Variants in DENND4B observed in about 807,000 individuals in gnomAD.
DENND4B encodes the protein DENN domain-containing protein 4B.
Under a neutral mutation model 161.0 loss-of-function variants are expected in DENND4B, and 67 were observed. The observed-to-expected ratio is 0.42, with a 90% CI of 0.34 to 0.51. The LOEUF (loss-of-function observed/expected upper bound fraction) is 0.51, where lower values mean the gene tolerates loss of function less well. Ranked by LOEUF, DENND4B falls within the 20% of genes least tolerant of loss-of-function variation. The pLI, the probability that DENND4B is intolerant of heterozygous loss-of-function variation, is 0.08. For synonymous variants in DENND4B, 753 were observed against 813.8 expected, an observed-to-expected ratio of 0.93 and a Z score of 1.27; for missense variants, 1,481 against 1,968.0, an observed-to-expected ratio of 0.75 and a Z score of 4.68.
At position 153,933,748 on chromosome 1, in the gene DENND4B, C is replaced by T. The variant is rs758914529; in HGVS notation, c.3065G>A (p.Gly1022Asp). 6.2e-6 allele frequency: 10 copies of T among 1,601,432 alleles called. No homozygotes were observed. Among genetic ancestry groups the T allele is most frequent in the Non-Finnish European group, 8.5e-6 (10 of 1,174,570 alleles). Residue 1022 changes from glycine to aspartate, a missense_variant, in exon 20 of 28, where the codon GGC becomes GAC. Physicochemically the swap from Gly to Asp is moderately conservative, Grantham distance 94 (BLOSUM62 -1). Transcript: ENST00000361217. This position sits in a 1 kb window ranked among gnomAD's most constrained non-coding sequence, Gnocchi z 5.7. Reference sequence around the variant, plus strand: ...AGTGGACTGGGCACTCAGGGCTGAGCCTGAGCCCCCTGGGCTGCCTCCAGG... The same window carrying T: ...AGTGGACTGGGCACTCAGGGCTGAGTCTGAGCCCCCTGGGCTGCCTCCAGG... ...PLPGGSPGGSGSALSAQSTEA... is the reference protein window; with the variant it reads ...PLPGGSPGGSDSALSAQSTEA...
At chr1:153,945,553 GACACAC>G (rs35616374) in intron 1 of DENND4B, among the ~76,000 whole-genome samples, 22 of 149,902 alleles carry the variant, frequency 1.5e-4, no homozygotes, top group African/African-American at 2.7e-4. Context: ...CTGGCCTCTG[GACACAC>G]ACACACACAC....
Position 153,936,743 on chromosome 1 carries a change from C to T in DENND4B, c.2238G>A (p.Met746Ile). Reference sequence around the variant, plus strand: ...TCTGTGCCATCCGCTGTGCAACTTTCATCTCCTAGGTAGGACAGGGGACAC... The same window carrying T: ...TCTGTGCCATCCGCTGTGCAACTTTTATCTCCTAGGTAGGACAGGGGACAC... ...SPAPRRTKQEMKVAQRMAQKS... is the reference protein window; with the variant it reads ...SPAPRRTKQEIKVAQRMAQKS... Residue 746 changes from methionine to isoleucine, a missense_variant, in exon 16 of 28, where the codon ATG becomes ATA. Met to Ile is a conservative substitution (Grantham distance 10). Transcript: ENST00000361217. The surrounding 1 kb of genome is among the most constrained non-coding windows in gnomAD (Gnocchi z 4.1). 1 of 1,587,204 alleles carries T rather than the reference C, an allele frequency of 6.3e-7. No homozygotes were observed. Among genetic ancestry groups the T allele is most frequent in the Admixed American group, 1.7e-5 (1 of 57,780 alleles).
Position 153,930,064 on chromosome 1 carries a change from C to T in DENND4B, c.*233G>A. 1 of 595,398 alleles carries T rather than the reference C, an allele frequency of 1.7e-6. No individual in the cohort carries two copies. Among genetic ancestry groups the T allele is most frequent in the Non-Finnish European group, 2.9e-6 (1 of 341,714 alleles). 36.9% of individuals were successfully genotyped at this position (595,398 alleles called of 1,614,324 possible). On this transcript the variant is annotated 3_prime_UTR_variant, in exon 28 of 28. Transcript: ENST00000361217. The surrounding 1 kb of genome is among the most constrained non-coding windows in gnomAD (Gnocchi z 4.7). ...GGAAGAACAGAGCTGTACCAACTCC[C>T]CCCAGATCTCCCCCAACATCAGCAC...
intron 17 of DENND4B, 43 bp from the exon 18 acceptor site, chr1:153,935,007 C>G: frequency 6.3e-7 from 1 of 1,596,682 alleles, no homozygotes; most frequent in South Asian, 1.1e-5. Context: ...CCTCGACACC[C>G]TAACCCTGCC....
chr1:153,946,425 C>G lies in DENND4B; in HGVS notation c.-148G>C. On this transcript the variant is annotated 5_prime_UTR_variant, in exon 1 of 28. Coordinates refer to ENST00000361217, the MANE Select transcript of DENND4B (RefSeq NM_014856.3). The surrounding 1 kb of genome is among the most constrained non-coding windows in gnomAD (Gnocchi z 6.3). ...GCACCCGACTTGGGCGCCGCTCCCG[C>G]CCGGGCAGTGAGTGAAGGAAGAAGA... 1 of 387,030 alleles carries G rather than the reference C, an allele frequency of 2.6e-6. No homozygotes were observed. The highest frequency in any genetic ancestry group is 4.6e-6 in the Non-Finnish European group (1 of 218,468). 24.0% of individuals were successfully genotyped at this position (387,030 alleles called of 1,614,324 possible).
intron 1 of DENND4B, chr1:153,945,171 C>G: frequency 7.8e-7 from 1 of 1,289,496 alleles, no homozygotes; most frequent in Non-Finnish European, 1.0e-6. Flanking sequence ...GTAGGAGCCC[C>G]AAGGGTCCTG....
Position 153,940,826 on chromosome 1 carries a change from G to A in DENND4B, c.1326+78C>T. 1 of 1,501,820 alleles carries A rather than the reference G, an allele frequency of 6.7e-7. No individual in the cohort carries two copies. Among genetic ancestry groups the A allele is most frequent in the Non-Finnish European group, 8.9e-7 (1 of 1,129,278 alleles). The allele number at this position is 1,501,820 out of a possible 1,614,324, so 93.0% of individuals were successfully genotyped here. The stretch of plus-strand genomic sequence containing the variant: ...GGATCCTCCACAAGGAAGGAAAAGG[G>A]AAGAGTCCAGGCAGGGATAGGGGCA... On this transcript the variant is annotated intron_variant, in intron 9 of 27. Transcript: ENST00000361217. This position sits in a 1 kb window ranked among gnomAD's most constrained non-coding sequence, Gnocchi z 5.6.
rs1410294745 is a variant in DENND4B at position 153,937,509 on chromosome 1, A to G, written c.2211T>C (p.Pro737=). Residue 737 remains proline, a synonymous_variant, in exon 15 of 28, where the codon CCT becomes CCC. Coordinates refer to ENST00000361217, the MANE Select transcript of DENND4B (RefSeq NM_014856.3). The surrounding 1 kb of genome is among the most constrained non-coding windows in gnomAD (Gnocchi z 4.7). ...TTACCTGTTTGGTACGGCGAGGAGC[A>G]GGACTGCTGGGGGCGCTACGGGAAG... The part of the protein sequence containing the change: ...PGPSRSAPSS[P]APRRTKQEMK... The G allele has an allele frequency of 2.5e-6, 4 of 1,579,820 alleles. No homozygotes were observed. The African/African-American group carries it at 4.0e-5, about 16-fold the overall frequency.
chr1:153,937,470 G>A lies in DENND4B; in HGVS notation c.2232+18C>T, dbSNP rs755817276. 25 of 1,526,140 alleles carry A rather than the reference G, an allele frequency of 1.6e-5. 1 individual carries two copies. Among genetic ancestry groups the A allele is most frequent in the South Asian group, 3.7e-5 (3 of 81,832 alleles). The allele number at this position is 1,526,140 out of a possible 1,614,324, so 94.5% of individuals were successfully genotyped here. On this transcript the variant is annotated intron_variant, in intron 15 of 27. Coordinates refer to ENST00000361217, the MANE Select transcript of DENND4B (RefSeq NM_014856.3). The surrounding 1 kb of genome is among the most constrained non-coding windows in gnomAD (Gnocchi z 4.7). ...CAGCCTGATCCGGGTCCCTCAGTGC[G>A]GTCCACCCACTGCTTACCTGTTTGG... is the stretch of plus-strand genomic sequence containing the variant.
At chr1:153,938,571 G>A (rs965319452) in intron 13 of DENND4B, among the ~76,000 whole-genome samples, 13 of 151,594 alleles carry the variant, frequency 8.6e-5, no homozygotes, top group African/African-American at 2.9e-4. Flanking sequence ...GCGTGGTGGC[G>A]GGCGCCTGTA....
In DENND4B at chr1:153,930,929, GC is replaced by G; in HGVS notation, c.4114+17del. On this transcript the variant is annotated intron_variant, in intron 25 of 27. Transcript: ENST00000361217. The surrounding 1 kb of genome is among the most constrained non-coding windows in gnomAD (Gnocchi z 4.7). Reference sequence around the variant, plus strand: ...TATGGGACCCACCCTCCCCACCCAGGCCAAATACCAGACTCACTGTGGACCC... The same window carrying G: ...TATGGGACCCACCCTCCCCACCCAGGCAAATACCAGACTCACTGTGGACCC... 6.2e-7 allele frequency: 1 copy of G among 1,603,538 alleles called. No homozygotes were observed. Among genetic ancestry groups the G allele is most frequent in the Non-Finnish European group, 8.5e-7 (1 of 1,175,278 alleles).
At position 153,932,456 on chromosome 1, in the gene DENND4B, G is replaced by C. The variant is rs753727203; in HGVS notation, c.3760-16C>G. ...GGGAGGCTCCCTATCAGGCACAAAG[G>C]GGGAGGGCAGTAGAGGGCATGTACA... On this transcript the variant is annotated splice_polypyrimidine_tract_variant and intron_variant, in intron 23 of 27. Coordinates refer to ENST00000361217, the MANE Select transcript of DENND4B (RefSeq NM_014856.3). This position sits in a 1 kb window ranked among gnomAD's most constrained non-coding sequence, Gnocchi z 5.8. The C allele has an allele frequency of 1.0e-5, 16 of 1,594,008 alleles. No individual in the cohort carries two copies. Among genetic ancestry groups the C allele is most frequent in the Middle Eastern group, 1.7e-4 (1 of 5,916 alleles).
At position 153,938,174 on chromosome 1, in the gene DENND4B, C is replaced by T. The variant is rs531174648; in HGVS notation, c.1966-311G>A. On this transcript the variant is annotated intron_variant, in intron 13 of 27. Coordinates refer to ENST00000361217, the MANE Select transcript of DENND4B (RefSeq NM_014856.3). ...CTGTAATCCCAGCACTTTGGGAGGC[C>T]GAGGTGGGCGGATTACTTGAGGCCA... is the stretch of plus-strand genomic sequence containing the variant. 6.6e-5 allele frequency among the ~76,000 whole-genome samples: 10 copies of T among 152,230 alleles called. No individual in the cohort carries two copies. In the South Asian group the frequency reaches 8.3e-4, roughly 13 times the overall value.
rs374355957 is a variant in DENND4B, at chr1:153,942,328, G to C, written c.669C>G (p.Asp223Glu). The C allele has an allele frequency of 2.5e-6, 4 of 1,613,246 alleles. No homozygotes were observed. The Admixed American group carries it at 6.7e-5, about 27-fold the overall frequency. ...AELLGRYPEE[D>E]NEAFPLPESV... ...ACTCGGGCAGCGGGAACGCCTCATTGTCCTCCTCCGGGTAGCGGCCCAGCA... is the reference window on the plus strand; with the variant it reads ...ACTCGGGCAGCGGGAACGCCTCATTCTCCTCCTCCGGGTAGCGGCCCAGCA... The change falls in exon 5 of 28, where the codon GAC becomes GAG. Residue 223 changes from aspartate (D) to glutamate (E), a missense_variant. Around this residue, in one of 3 missense-constraint regions of DENND4B, gnomAD observed 806 missense variants for 1,134.4 expected, o/e 0.71. Coordinates refer to ENST00000361217, the MANE Select transcript of DENND4B (RefSeq NM_014856.3). This position sits in a 1 kb window ranked among gnomAD's most constrained non-coding sequence, Gnocchi z 6.9.
Position 153,940,862 on chromosome 1 carries a change from C to A in DENND4B, c.1326+42G>T. Reference sequence around the variant, plus strand: ...GCAGGGATAGGGGCACCAGAAAGAACCATGGTTCTGGGGAAGATGGGCCAG... The same window carrying A: ...GCAGGGATAGGGGCACCAGAAAGAAACATGGTTCTGGGGAAGATGGGCCAG... On this transcript the variant is annotated intron_variant, in intron 9 of 27. Transcript: ENST00000361217. The surrounding 1 kb of genome is among the most constrained non-coding windows in gnomAD (Gnocchi z 5.6). 4 of 1,533,034 alleles carry A rather than the reference C, an allele frequency of 2.6e-6. No individual in the cohort carries two copies. The highest frequency in any genetic ancestry group is 3.5e-6 in the Non-Finnish European group (4 of 1,143,508). 95.0% of individuals were successfully genotyped at this position (1,533,034 alleles called of 1,614,324 possible).
intron 13 of DENND4B, among the ~76,000 whole-genome samples, chr1:153,938,286 G>A (rs1281641224): frequency 2.0e-5 from 3 of 151,942 alleles, no homozygotes; most frequent in African/African-American, 7.3e-5. Context: ...GTGCACACCT[G>A]TAATCCCAGC....
chr1:153,933,807 G>C lies in DENND4B; in HGVS notation c.3006C>G (p.Leu1002=). Residue 1002 remains leucine, a synonymous_variant, in exon 20 of 28, where the codon CTC becomes CTG. Coordinates refer to ENST00000361217, the MANE Select transcript of DENND4B (RefSeq NM_014856.3). This position sits in a 1 kb window ranked among gnomAD's most constrained non-coding sequence, Gnocchi z 5.7. ...GSPVPWHDGS[L]SDLSLTGEEP... is the part of the protein sequence containing the mutation. ...CCTCCCCTGTCAGGCTCAGGTCTGAGAGACTTCCATCGTGCCAGGGCACAG... is the reference window on the plus strand; with the variant it reads ...CCTCCCCTGTCAGGCTCAGGTCTGACAGACTTCCATCGTGCCAGGGCACAG... 6.2e-7 allele frequency: 1 copy of C among 1,612,978 alleles called. No homozygotes were observed.
chr1:153,932,538 C>G lies in DENND4B; in HGVS notation c.3760-98G>C, dbSNP rs1279212205. On this transcript the variant is annotated intron_variant, in intron 23 of 27. Coordinates refer to ENST00000361217, the MANE Select transcript of DENND4B (RefSeq NM_014856.3). The surrounding 1 kb of genome is among the most constrained non-coding windows in gnomAD (Gnocchi z 5.8). ...ACATCCAACAGCTTTTGGGATGCCC[C>G]TTGCCCTCAAGGGCAAGAGATGTGC... 9.0e-6 allele frequency: 14 copies of G among 1,562,262 alleles called. No homozygotes were observed. Among genetic ancestry groups the G allele is most frequent in the Non-Finnish European group, 4.3e-6 (5 of 1,153,140 alleles).
Position 153,937,891 on chromosome 1 carries a change from G to A in DENND4B, c.1966-28C>T, listed in dbSNP as rs778153672. On this transcript the variant is annotated intron_variant, in intron 13 of 27. Transcript: ENST00000361217. This position sits in a 1 kb window ranked among gnomAD's most constrained non-coding sequence, Gnocchi z 4.7. ...GGAGAAGGATTTTAAGAGAGCAAGT[G>A]TTGAGATGGTGGGCATGGAGCAGAG... 2.5e-6 allele frequency: 4 copies of A among 1,613,742 alleles called. No individual in the cohort carries two copies. The East Asian group carries it at 8.9e-5, about 36-fold the overall frequency.
Sources: gnomAD v4.1 joint callset for allele counts (sites outside exome capture counted in the v4.1 genomes callset) on GRCh38, gnomAD v4.1.1 for gene constraint, gnomAD v4.1.1 regional missense constraint, Gnocchi (gnomAD v3.1) non-coding constraint, MANE v1.5 for transcripts, NCBI Gene and HGNC (gene_info 2026-07-23, HGNC 2026-07-21) for gene names.